The following KATNAL2 variants were observed in gnomAD, a reference collection of about 807,000 sequenced individuals.
KATNAL2 encodes the protein katanin catalytic subunit A1 like 2, also known as katanin p60 ATPase-containing subunit A-like 2.
A neutral mutation model predicts 76.3 loss-of-function variants in KATNAL2; 52 were observed. That is an observed-to-expected ratio of 0.68 (90% CI 0.55 to 0.86). The LOEUF is 0.86. Among genes scored for constraint, KATNAL2 ranks in the 40% least tolerant of loss-of-function variants. The pLI is 0.00. For missense variants in KATNAL2, 660 were observed against 668.9 expected (o/e 0.99, Z 0.15); for synonymous variants, 243 against 244.2 (o/e 1.00, Z 0.05).
At chr18:47,088,820 T>A (rs902837871) in intron 15 of KATNAL2, among the ~76,000 whole-genome samples, 2 of 152,226 alleles carry the variant, frequency 1.3e-5, no homozygotes, top group Non-Finnish European at 2.9e-5. Context: ...GAATATTTGT[T>A]TTACTGTGTC....
At chr18:47,095,708 G>A (rs1445534123) in intron 15 of KATNAL2, among the ~76,000 whole-genome samples, 1 of 152,216 alleles carries the variant, frequency 6.6e-6, no homozygotes, top group African/African-American at 2.4e-5. Flanking sequence ...TGGCTTATAT[G>A]CAGGAGTGAT....
intron 7 of KATNAL2, 75 bp downstream of exon 7, chr18:47,058,427 A>ATT: frequency 1.2e-6 from 1 of 869,236 alleles, no homozygotes; most frequent in Non-Finnish European, 1.9e-6. Flanking sequence ...GGTCACATTT[A>ATT]TTTATTTTTT....
At position 46,942,480 on chromosome 18, in the gene KATNAL2, G is replaced by T. The variant is rs149683670; in HGVS notation, c.-509-3577G>T. ...AATACAAAAATTAGCCGGGCGTGGT[G>T]GTGCGTGCCTGTAATCCCAGCTACT... On this transcript the variant is annotated intron_variant, in intron 1 of 17. Coordinates refer to ENST00000683218, the MANE Select transcript of KATNAL2 (RefSeq NM_001387690.1). Among the ~76,000 whole-genome samples the T allele has an allele frequency of 8.0e-3, 1,211 of 152,246 alleles. 6 individuals are homozygous for T. Among genetic ancestry groups the T allele is most frequent in the Non-Finnish European group, 0.013 (877 of 68,030 alleles).
chr18:47,046,454 C>T lies in KATNAL2; in HGVS notation c.52-3C>T. On this transcript the variant is annotated splice_region_variant and splice_polypyrimidine_tract_variant and intron_variant, in intron 3 of 17. Coordinates refer to ENST00000683218, the MANE Select transcript of KATNAL2 (RefSeq NM_001387690.1). ...ATCCTACCTAAATTTTCCTCTGTTC[C>T]AGTGCGAGATGAGGACAGAAGCACG... The T allele has an allele frequency of 4.6e-6, 7 of 1,534,648 alleles. No homozygotes were observed. Among genetic ancestry groups the T allele is most frequent in the Non-Finnish European group, 6.1e-6 (7 of 1,145,690 alleles).
At chr18:47,031,311 A>T (rs1486876580) in intron 3 of KATNAL2, among the ~76,000 whole-genome samples, 3 of 151,974 alleles carry the variant, frequency 2.0e-5, no homozygotes, top group Non-Finnish European at 4.4e-5. Flanking sequence ...CCGAATGAGG[A>T]AAACAGATCC....
At chr18:47,048,581 G>T (rs2061236804) in intron 4 of KATNAL2, among the ~76,000 whole-genome samples, 1 of 152,144 alleles carries the variant, frequency 6.6e-6, no homozygotes, top group Non-Finnish European at 1.5e-5. Context: ...GCAGGGCAGG[G>T]CTGACTTTGG....
At chr18:47,087,852 G>T (rs933396364) in intron 15 of KATNAL2, among the ~76,000 whole-genome samples, 1 of 151,496 alleles carries the variant, frequency 6.6e-6, no homozygotes, top group Admixed American at 6.6e-5. Flanking sequence ...TCTATGGCCT[G>T]TTTTTTTTCC....
chr18:47,100,350 C>G lies in KATNAL2; in HGVS notation c.1471C>G (p.Gln491Glu), dbSNP rs760651551. 4.3e-6 allele frequency: 7 copies of G among 1,613,004 alleles called. No homozygotes were observed. The highest frequency in any genetic ancestry group is 5.9e-6 in the Non-Finnish European group (7 of 1,179,032). ...GATCTTTGATGCACTTGAAAATCAC[C>G]AGTCAGGTATGGGTTGGATCACCAT... ...RKIFDALENHQSESSDLPRIQ... is the reference protein window; with the variant it reads ...RKIFDALENHESESSDLPRIQ... The change falls in exon 17 of 18, where the codon CAG becomes GAG. Residue 491 changes from glutamine (Q) to glutamate (E), a missense_variant. Transcript: ENST00000683218.
At position 47,046,652 on chromosome 18, in the gene KATNAL2, C is replaced by T. The variant is rs1030096558; in HGVS notation, c.122+125C>T. 2.6e-5 allele frequency: 19 copies of T among 739,218 alleles called. 1 individual carries two copies. The highest frequency in any genetic ancestry group is 7.3e-5 in the South Asian group (4 of 55,024). 45.8% of individuals were successfully genotyped at this position (739,218 alleles called of 1,614,324 possible). ...AGCAATTCTATATTTACAGAAAAAT[C>T]GAGCAGAAAGTACAGAGTTCTGTAT... On this transcript the variant is annotated intron_variant, in intron 4 of 17. Coordinates refer to ENST00000683218, the MANE Select transcript of KATNAL2 (RefSeq NM_001387690.1).
At chr18:46,957,456 G>A (rs191102113) in intron 3 of KATNAL2, among the ~76,000 whole-genome samples, 2,002 of 151,262 alleles carry the variant, frequency 0.013, 42 homozygotes, top group African/African-American at 0.045. Flanking sequence ...GTGTTTCACC[G>A]TGTTAGCCAG....
intron 8 of KATNAL2, among the ~76,000 whole-genome samples, chr18:47,062,203 A>C (rs1273540260): frequency 6.6e-6 from 1 of 152,110 alleles, no homozygotes; most frequent in Non-Finnish European, 1.5e-5. Flanking sequence ...CAACATAAAG[A>C]GACCCCACTT....
chr18:47,099,387 G>T lies in KATNAL2; in HGVS notation c.1356G>T (p.Glu452Asp), dbSNP rs773126520. ...CCTTGGAGCTGCACACAGAGCTGGA[G>T]TACAGTGTGCTGAGCCAGGTCAGCT... ...SRALELHTELEYSVLSQETEG... is the reference protein window; with the variant it reads ...SRALELHTELDYSVLSQETEG... The change falls in exon 16 of 18, where the codon GAG becomes GAT. Residue 452 changes from glutamate to aspartate, a missense_variant. Coordinates refer to ENST00000683218, the MANE Select transcript of KATNAL2 (RefSeq NM_001387690.1). 36 of 1,613,356 alleles carry T rather than the reference G, an allele frequency of 2.2e-5. No individual in the cohort carries two copies. In the African/African-American group the frequency reaches 4.5e-4, roughly 20 times the overall value.
In KATNAL2 at chr18:46,917,638, C is replaced by T. The variant is rs1344734163; in HGVS notation, c.-798C>T. On this transcript the variant is annotated 5_prime_UTR_variant, in exon 1 of 18. Transcript: ENST00000683218. Reference sequence around the variant, plus strand: ...CGACAGCGCCCGCCCGCGCCTGCCCCGGCGTGCTGCCCCGCGGCTTGGCCC... The same window carrying T: ...CGACAGCGCCCGCCCGCGCCTGCCCTGGCGTGCTGCCCCGCGGCTTGGCCC... 3.6e-6 allele frequency: 3 copies of T among 823,504 alleles called. No individual in the cohort carries two copies. Among genetic ancestry groups the T allele is most frequent in the East Asian group, 1.2e-4 (1 of 8,510 alleles). The allele number at this position is 823,504 out of a possible 1,614,324, so 51.0% of individuals were successfully genotyped here. A position where few individuals can be genotyped will look rare whatever the true frequency, so the allele number is the denominator to read the frequency against.
At chr18:47,075,664 C>A (rs1000141649) in intron 14 of KATNAL2, among the ~76,000 whole-genome samples, 1 of 152,222 alleles carries the variant, frequency 6.6e-6, no homozygotes, top group Non-Finnish European at 1.5e-5. Context: ...GCTGCCATAT[C>A]GGTTCTGCTG....
At chr18:47,090,875 C>T (rs1372569725) in intron 15 of KATNAL2, among the ~76,000 whole-genome samples, 1 of 152,076 alleles carries the variant, frequency 6.6e-6, no homozygotes, top group Non-Finnish European at 1.5e-5. Context: ...AGACAAAGTA[C>T]CCTTCAATGC....
At chr18:47,032,246 A>T (rs191735624) in intron 3 of KATNAL2, among the ~76,000 whole-genome samples, 2 of 152,328 alleles carry the variant, frequency 1.3e-5, no homozygotes, top group Admixed American at 6.5e-5. Flanking sequence ...CTTTTTTCTA[A>T]GAAATAGCAG....
Position 47,100,991 on chromosome 18 carries a change from T to C in KATNAL2, c.1603T>C (p.Phe535Leu). 2 of 1,613,744 alleles carry C rather than the reference T, an allele frequency of 1.2e-6. No homozygotes were observed. The highest frequency in any genetic ancestry group is 1.7e-6 in the Non-Finnish European group (2 of 1,179,852). ...AQRYSDWQRE[F>L]ESV ...GAGATACTCAGACTGGCAAAGAGAG[T>C]TCGAGTCTGTCTGAAACCACATTTA... is the stretch of plus-strand genomic sequence containing the variant. The change falls in exon 18 of 18, where the codon TTC becomes CTC. Residue 535 changes from phenylalanine to leucine, a missense_variant. By Grantham distance (22) the Phe-to-Leu change is conservative. Coordinates refer to ENST00000683218, the MANE Select transcript of KATNAL2 (RefSeq NM_001387690.1).
chr18:47,042,841 A>G (rs2061008114), intron 3 of KATNAL2, among the ~76,000 whole-genome samples: 1 of 152,208 alleles, frequency 6.6e-6, no homozygotes, highest in South Asian at 2.1e-4. Context: ...AAAAATGAGA[A>G]CATGAGAATT....
intron 6 of KATNAL2, among the ~76,000 whole-genome samples, chr18:47,055,239 G>T (rs750803526): frequency 6.6e-6 from 1 of 152,172 alleles, no homozygotes; most frequent in Non-Finnish European, 1.5e-5. Context: ...CTGGGGCATC[G>T]CAACCTGTGG....
Sources: gnomAD v4.1 joint callset for allele counts (sites outside exome capture counted in the v4.1 genomes callset) on GRCh38, gnomAD v4.1.1 for gene constraint, MANE v1.5 for transcripts, NCBI Gene and HGNC (gene_info 2026-07-23, HGNC 2026-07-21) for gene names.